GREB1L: variants seen among roughly 807,000 people sequenced by gnomAD.
GREB1L encodes the protein GREB1-like protein.
Under a neutral mutation model 200.8 loss-of-function variants are expected in GREB1L, and 17 were observed. That is an observed-to-expected ratio of 0.08 (90% confidence interval 0.06 to 0.13). The LOEUF (loss-of-function observed/expected upper bound fraction) is 0.13. Ranked by LOEUF, GREB1L falls within the 10% of genes least tolerant of loss-of-function variation. GREB1L has a pLI of 1.00. For missense variants in GREB1L, 1,657 were observed against 2,367.7 expected (o/e 0.70, Z 6.23); for synonymous variants, 789 against 893.0 (o/e 0.88, Z 2.08).
At chr18:21,412,464 TAAAC>T (rs746297138) in intron 7 of GREB1L, among the ~76,000 whole-genome samples, 50 of 152,030 alleles carry the variant, frequency 3.3e-4, no homozygotes, top group Admixed American at 8.5e-4. Flanking sequence ...GCAATGAAAA[TAAAC>T]AAACAGATGT....
At chr18:21,513,310 C>T (rs189621563) in intron 27 of GREB1L, among the ~76,000 whole-genome samples, 1 of 152,148 alleles carries the variant, frequency 6.6e-6, no homozygotes, top group Non-Finnish European at 1.5e-5. Flanking sequence ...AAGAAGCTGC[C>T]GTCAGTTTCC....
At chr18:21,258,855 T>C (rs2037844173) in intron 1 of GREB1L, among the ~76,000 whole-genome samples, 1 of 152,158 alleles carries the variant, frequency 6.6e-6, no homozygotes, top group African/African-American at 2.4e-5. Flanking sequence ...TGCCAACAAA[T>C]ATCCTAGTTA....
chr18:21,305,070 G>A (rs1442862942), intron 1 of GREB1L, among the ~76,000 whole-genome samples: 1 of 152,028 alleles, frequency 6.6e-6, no homozygotes, highest in African/African-American at 2.4e-5. Context: ...CTTCCTCCTG[G>A]GTTCAAGCGA....
At chr18:21,261,933 G>A (rs1178007350) in intron 1 of GREB1L, among the ~76,000 whole-genome samples, 1 of 151,930 alleles carries the variant, frequency 6.6e-6, no homozygotes, top group Non-Finnish European at 1.5e-5. Flanking sequence ...TGAACATTTT[G>A]AGGTCTTAGA....
chr18:21,311,541 C>CT (rs1016346453), intron 1 of GREB1L, among the ~76,000 whole-genome samples: 32 of 152,104 alleles, frequency 2.1e-4, no homozygotes, highest in African/African-American at 7.5e-4. Flanking sequence ...AAATTTTGCC[C>CT]TAAGCGGCAC....
chr18:21,369,118 A>G (rs1251108541), intron 2 of GREB1L, among the ~76,000 whole-genome samples: 3 of 152,192 alleles, frequency 2.0e-5, no homozygotes, highest in African/African-American at 7.2e-5. Flanking sequence ...TCTACTCTGC[A>G]TTTGGGAAAT....
chr18:21,389,175 T>C (rs964358051), intron 4 of GREB1L, among the ~76,000 whole-genome samples: 4 of 152,162 alleles, frequency 2.6e-5, no homozygotes, highest in African/African-American at 9.7e-5. Flanking sequence ...ATGGGTTCAT[T>C]CGTTTATTTA....
At chr18:21,400,512 GA>G (rs2041272726) in intron 5 of GREB1L, among the ~76,000 whole-genome samples, 1 of 152,192 alleles carries the variant, frequency 6.6e-6, no homozygotes, top group Non-Finnish European at 1.5e-5. Flanking sequence ...CCTCTTCGCA[GA>G]TCAGCTTCCC....
chr18:21,481,988 C>A (rs1339402614), intron 17 of GREB1L, among the ~76,000 whole-genome samples: 2 of 152,110 alleles, frequency 1.3e-5, no homozygotes, highest in East Asian at 3.9e-4. Flanking sequence ...TCATCAGGTA[C>A]TCATATGTTC....
At chr18:21,441,343 T>C in intron 9 of GREB1L, 57 bp from the exon 10 acceptor site, 16 of 1,414,262 alleles carry the variant, frequency 1.1e-5, no homozygotes, top group Non-Finnish European at 1.4e-5. Flanking sequence ...CATTGCTTTC[T>C]ATTGTATTTC....
Position 21,296,652 on chromosome 18 carries a change from G to GT in GREB1L, c.-120+54265dup, listed in dbSNP as rs1486337314. Among the ~76,000 whole-genome samples the GT allele has an allele frequency of 3.3e-5, 5 of 149,796 alleles. 1 individual carries two copies. Among genetic ancestry groups the GT allele is most frequent in the African/African-American group, 9.8e-5 (4 of 40,848 alleles). ...CACCCCAATCATTCAGCTTTTCTTT[G>GT]TTTTTTGTTTTTTTTTTTTTGAGAC... On this transcript the variant is annotated intron_variant, in intron 1 of 32. Transcript: ENST00000424526.
At chr18:21,340,076 G>A (rs1288132093) in intron 1 of GREB1L, among the ~76,000 whole-genome samples, 2 of 152,172 alleles carry the variant, frequency 1.3e-5, no homozygotes, top group Non-Finnish European at 2.9e-5. Flanking sequence ...GATGCTACAG[G>A]AATATAATTG....
At chr18:21,405,457 G>T (rs2144598972) in intron 7 of GREB1L, among the ~76,000 whole-genome samples, 1 of 152,298 alleles carries the variant, frequency 6.6e-6, no homozygotes, top group South Asian at 2.1e-4. Flanking sequence ...AACCTTATCA[G>T]TTGCTGTAAG....
At chr18:21,299,169 T>G (rs1463560411) in intron 1 of GREB1L, among the ~76,000 whole-genome samples, 1 of 150,200 alleles carries the variant, frequency 6.7e-6, no homozygotes, top group African/African-American at 2.5e-5. Flanking sequence ...TCCCAGCTAC[T>G]CGGGAGGCTG....
chr18:21,253,605 TTAAATG>T (rs1410965931), intron 1 of GREB1L, among the ~76,000 whole-genome samples: 2 of 152,122 alleles, frequency 1.3e-5, no homozygotes, highest in African/African-American at 2.4e-5. Context: ...TTTAGAGAAA[TTAAATG>T]TAATGTGTTT....
chr18:21,462,676 C>G (rs1248503951), intron 15 of GREB1L, among the ~76,000 whole-genome samples: 5 of 152,176 alleles, frequency 3.3e-5, no homozygotes, highest in Non-Finnish European at 7.3e-5. Flanking sequence ...TCTCGAACCA[C>G]TGACCTTAGG....
At chr18:21,314,762 A>G (rs575607807) in intron 1 of GREB1L, among the ~76,000 whole-genome samples, 70 of 152,320 alleles carry the variant, frequency 4.6e-4, no homozygotes, top group Non-Finnish European at 7.9e-4. Context: ...AAGCAGCTCT[A>G]GACAATATGA....
Position 21,272,521 on chromosome 18 carries a change from G to T in GREB1L, c.-120+30128G>T, listed in dbSNP as rs181836710. 4.1e-3 allele frequency among the ~76,000 whole-genome samples: 625 copies of T among 152,220 alleles called. 6 individuals carry two copies. The highest frequency in any genetic ancestry group is 5.9e-3 in the Non-Finnish European group (398 of 68,008). On this transcript the variant is annotated intron_variant, in intron 1 of 32. Transcript: ENST00000424526. ...ATGGCTTTCATAAGAAGTTATAAAT[G>T]GACTTATAATTTTTTGATATTTCTT...
intron 5 of GREB1L, among the ~76,000 whole-genome samples, chr18:21,397,156 G>T (rs867041474): frequency 1.3e-5 from 2 of 152,002 alleles, no homozygotes; most frequent in Middle Eastern, 3.4e-3. Flanking sequence ...TGGTTCATAG[G>T]AAAAGAAATG....
Sources: gnomAD v4.1 joint callset for allele counts (sites outside exome capture counted in the v4.1 genomes callset) on GRCh38, gnomAD v4.1.1 for gene constraint, MANE v1.5 for transcripts, NCBI Gene and HGNC (gene_info 2026-07-23, HGNC 2026-07-21) for gene names.